Variants in TNFRSF8 observed in about 807,000 individuals in gnomAD.
TNFRSF8 encodes tumor necrosis factor receptor superfamily member 8.
TNFRSF8 carries 26 observed loss-of-function variants against 70.8 expected under a neutral mutation model. The observed-to-expected ratio is 0.37, with a 90% CI of 0.27 to 0.51. TNFRSF8 has a LOEUF of 0.51. Among genes scored for constraint, TNFRSF8 ranks in the 20% least tolerant of loss-of-function variants. The pLI is 0.94. For missense variants in TNFRSF8, 720 were observed against 807.9 expected, an observed-to-expected ratio of 0.89 and a Z score of 1.32; for synonymous variants, 356 against 339.2, an observed-to-expected ratio of 1.05 and a Z score of -0.54.
chr1:12,120,063 TAC>T (rs1012136847), intron 8 of TNFRSF8, among the ~76,000 whole-genome samples: 2 of 152,172 alleles, frequency 1.3e-5, no homozygotes, highest in African/African-American at 2.4e-5. Context: ...CCAGCTAAAT[TAC>T]AGTCACTTCA....
At chr1:12,097,982 T>C (rs1010951046) in intron 3 of TNFRSF8, among the ~76,000 whole-genome samples, 3 of 152,238 alleles carry the variant, frequency 2.0e-5, no homozygotes, top group Non-Finnish European at 2.9e-5. Flanking sequence ...GTTAAAATCT[T>C]ATCTCCCAGT....
Position 12,110,259 on chromosome 1 carries a change from G to A in TNFRSF8, c.676+55G>A. 1 of 1,504,896 alleles carries A rather than the reference G, an allele frequency of 6.6e-7. No individual in the cohort carries two copies. Among genetic ancestry groups the A allele is most frequent in the Admixed American group, 2.1e-5 (1 of 47,396 alleles). The allele number at this position is 1,504,896 out of a possible 1,614,324, so 93.2% of individuals were successfully genotyped here. A position where few individuals can be genotyped will look rare whatever the true frequency, so the allele number is the denominator to read the frequency against. On this transcript the variant is annotated intron_variant, in intron 6 of 14. Transcript: ENST00000263932. This position sits in a 1 kb window ranked among gnomAD's most constrained non-coding sequence, Gnocchi z 4.0. The stretch of plus-strand genomic sequence containing the variant: ...TCCCTGGGGTGCTCGATTGGTGGAT[G>A]GCCCATGAGTGGGGGTGTTTGGAGC...
At chr1:12,073,323 T>G (rs1427443683) in intron 1 of TNFRSF8, among the ~76,000 whole-genome samples, 2 of 152,132 alleles carry the variant, frequency 1.3e-5, no homozygotes, top group East Asian at 3.9e-4. Flanking sequence ...GCAACTGGCC[T>G]GAGGCTGGCG....
At chr1:12,067,159 C>T (rs1640756370) in intron 1 of TNFRSF8, among the ~76,000 whole-genome samples, 1 of 152,140 alleles carries the variant, frequency 6.6e-6, no homozygotes, top group African/African-American at 2.4e-5. Flanking sequence ...AATTTATTCC[C>T]CCATAGCTCC....
intron 12 of TNFRSF8, 138 bp from the exon 13 acceptor site, chr1:12,135,450 C>T (rs1642128290): frequency 8.2e-7 from 1 of 1,220,118 alleles, no homozygotes; most frequent in African/African-American, 1.5e-5. Context: ...ATCGAGGGCT[C>T]TCCAGACTGA....
At position 12,142,363 on chromosome 1, in the gene TNFRSF8, G is replaced by T. The variant is rs1213078001; in HGVS notation, c.1620G>T (p.Leu540=). Residue 540 remains leucine, a synonymous_variant, in exon 15 of 15, where the codon CTG becomes CTT. Transcript: ENST00000263932. This position sits in a 1 kb window ranked among gnomAD's most constrained non-coding sequence, Gnocchi z 5.0. Reference sequence around the variant, plus strand: ...CTGAGCTGCCGGAGGGCCGGGGCCTGGCGGGGCCAGCAGAGCCCGAGTTGG... The same window carrying T: ...CTGAGCTGCCGGAGGGCCGGGGCCTTGCGGGGCCAGCAGAGCCCGAGTTGG... ...VKAELPEGRG[L]AGPAEPELEE... is the part of the protein sequence containing the mutation. The T allele has an allele frequency of 1.2e-6, 2 of 1,609,620 alleles. No homozygotes were observed. Among genetic ancestry groups the T allele is most frequent in the African/African-American group, 2.7e-5 (2 of 75,044 alleles).
chr1:12,105,703 C>T (rs1016009120), intron 4 of TNFRSF8, among the ~76,000 whole-genome samples: 1 of 152,082 alleles, frequency 6.6e-6, no homozygotes, highest in Non-Finnish European at 1.5e-5. Flanking sequence ...TTTGGGAGGC[C>T]AAGGCAGGCA....
At position 12,129,989 on chromosome 1, in the gene TNFRSF8, CCGCCT is replaced by C. The variant is rs535362654; in HGVS notation, c.1309+3755_1309+3759del. ...GTGTGATCTCGGCTTACTGCAACCCCCGCCTCCTGGGTTCAAGCAATTCTCCTGCT... is the reference window on the plus strand; with the variant it reads ...GTGTGATCTCGGCTTACTGCAACCCCCCTGGGTTCAAGCAATTCTCCTGCT... On this transcript the variant is annotated intron_variant, in intron 12 of 14. Transcript: ENST00000263932. Among the ~76,000 whole-genome samples, 97 of 152,140 alleles carry C rather than the reference CCGCCT, an allele frequency of 6.4e-4. 1 individual carries two copies. The South Asian group carries it at 0.016, about 24-fold the overall frequency.
At chr1:12,127,214 G>T (rs150371180) in intron 12 of TNFRSF8, among the ~76,000 whole-genome samples, 1 of 152,356 alleles carries the variant, frequency 6.6e-6, no homozygotes, top group East Asian at 1.9e-4. Flanking sequence ...TGGATTGGGT[G>T]CCTGCTCTGT....
intron 10 of TNFRSF8, among the ~76,000 whole-genome samples, chr1:12,125,588 C>T (rs555500542): frequency 6.6e-6 from 1 of 152,312 alleles, no homozygotes; most frequent in Admixed American, 6.5e-5. Flanking sequence ...ACTGCTTGGC[C>T]CTCCCCACCC....
rs1228117783 is a variant in TNFRSF8 at position 12,119,114 on chromosome 1, C to T, written c.946+3385C>T. On this transcript the variant is annotated intron_variant, in intron 8 of 14. Transcript: ENST00000263932. This position sits in a 1 kb window ranked among gnomAD's most constrained non-coding sequence, Gnocchi z 4.4. ...TCCTGACCTGGTGATCCGCCTGCCT[C>T]GGCCTCGCAAAAGTGCTGGGATTAC... Among the ~76,000 whole-genome samples, 1 of 152,224 alleles carries T rather than the reference C, an allele frequency of 6.6e-6. No individual in the cohort carries two copies.
intron 4 of TNFRSF8, among the ~76,000 whole-genome samples, chr1:12,107,724 C>T (rs1464283906): frequency 6.6e-6 from 1 of 152,010 alleles, no homozygotes; most frequent in Non-Finnish European, 1.5e-5. Context: ...CTCTGGGGTC[C>T]CCTGTGGACT....
Position 12,138,997 on chromosome 1 carries a change from CAGG to C in TNFRSF8, c.1543+566_1543+568del, listed in dbSNP as rs748681052. On this transcript the variant is annotated intron_variant, in intron 14 of 14. Transcript: ENST00000263932. The surrounding 1 kb of genome is among the most constrained non-coding windows in gnomAD (Gnocchi z 5.7). ...CGTTACCACCCACCCTCTGCAGAAG[CAGG>C]AGGACAGATGGGGCCCAGATGTTCA... is the stretch of plus-strand genomic sequence containing the variant. 6.6e-6 allele frequency among the ~76,000 whole-genome samples: 1 copy of C among 152,208 alleles called. No individual in the cohort carries two copies. Among genetic ancestry groups the C allele is most frequent in the Non-Finnish European group, 1.5e-5 (1 of 68,014 alleles).
chr1:12,125,861 G>A (rs907073936), intron 10 of TNFRSF8, 90 bp from the exon 11 acceptor site: 4 of 989,914 alleles, frequency 4.0e-6, no homozygotes, highest in Non-Finnish European at 4.9e-6. Context: ...TGGAAGCTGT[G>A]TCCCAGGAGA....
At chr1:12,092,509 CT>C (rs60030428) in intron 2 of TNFRSF8, among the ~76,000 whole-genome samples, 20,995 of 129,792 alleles carry the variant, frequency 0.16, 1,201 homozygotes, top group Admixed American at 0.24. Context: ...TTTTTCTTGT[CT>C]TTTTTTTTTT....
intron 2 of TNFRSF8, among the ~76,000 whole-genome samples, chr1:12,091,827 G>A (rs1641252791): frequency 6.6e-6 from 1 of 152,210 alleles, no homozygotes; most frequent in African/African-American, 2.4e-5. Context: ...GTTTTGAGAT[G>A]AAACTGTTCC....
At chr1:12,135,034 A>G (rs1434041211) in intron 12 of TNFRSF8, among the ~76,000 whole-genome samples, 1 of 151,946 alleles carries the variant, frequency 6.6e-6, no homozygotes, top group African/African-American at 2.4e-5. Context: ...TGAGAGTGGC[A>G]GCCAGGTGTG....
intron 2 of TNFRSF8, among the ~76,000 whole-genome samples, chr1:12,087,074 TATCCATCC>T (rs57832338): frequency 0.29 from 33,746 of 115,038 alleles, 5,466 homozygotes; most frequent in African/African-American, 0.42. Flanking sequence ...TCTACCTTTC[TATCCATCC>T]ATCCATCCAT....
At chr1:12,122,867 C>T (rs1284391770) in intron 8 of TNFRSF8, among the ~76,000 whole-genome samples, 4 of 151,946 alleles carry the variant, frequency 2.6e-5, no homozygotes, top group African/African-American at 4.8e-5. Flanking sequence ...CTTTCTCTGT[C>T]GCCCAGGCTG....
Sources: gnomAD v4.1 joint callset for allele counts (sites outside exome capture counted in the v4.1 genomes callset) on GRCh38, gnomAD v4.1.1 for gene constraint, Gnocchi (gnomAD v3.1) non-coding constraint, MANE v1.5 for transcripts, NCBI Gene and HGNC (gene_info 2026-07-23, HGNC 2026-07-21) for gene names.